CD40LG: variants seen among roughly 807,000 people sequenced by gnomAD.
The protein encoded by CD40LG is CD40 ligand.
In CD40LG, 1 loss-of-function variant was observed where a neutral mutation model predicts 17.2. That is an observed-to-expected ratio of 0.06 (90% CI 0.02 to 0.28). The LOEUF (loss-of-function observed/expected upper bound fraction) is 0.28. CD40LG is among the 10% of genes least tolerant of loss of function. CD40LG has a pLI of 1.00. For missense variants in CD40LG, 133 were observed against 193.2 expected, an observed-to-expected ratio of 0.69 and a Z score of 1.85; for synonymous variants, 66 against 74.4, an observed-to-expected ratio of 0.89 and a Z score of 0.58.
intron 2 of CD40LG, among the ~76,000 whole-genome samples, chrX:136,652,490 G>T (rs1391010856): frequency 9.0e-6 from 1 of 111,326 alleles, no homozygotes; most frequent in Non-Finnish European, 1.9e-5. Context: ...TTTGAATCAG[G>T]TCTTGATGGG....
rs946850192 is a variant in CD40LG, at chrX:136,654,054, T to C, written c.289-319T>C. On this transcript the variant is annotated intron_variant, in intron 2 of 4. Coordinates refer to ENST00000370629, the MANE Select transcript of CD40LG (RefSeq NM_000074.3). ...CCATTCGGCATTATTTGTCAATATC[T>C]GTCAAAGCCAAGGAGGTTGAGGTCA... Among the ~76,000 whole-genome samples, 10 of 112,068 alleles carry C rather than the reference T, an allele frequency of 8.9e-5. No homozygotes were observed. The Admixed American group carries it at 9.5e-4, about 11-fold the overall frequency.
At chrX:136,652,233 C>T (rs1006516923) in intron 2 of CD40LG, among the ~76,000 whole-genome samples, 2 of 110,678 alleles carry the variant, frequency 1.8e-5, no homozygotes, top group Non-Finnish European at 3.8e-5. Flanking sequence ...CCTAGGATTA[C>T]GTACAATGAG....
rs950822004 is a variant in CD40LG at position 136,656,350 on chromosome X, T to A, written c.347-6T>A. The A allele has an allele frequency of 2.6e-5, 31 of 1,205,046 alleles. No homozygotes were observed. The highest frequency in any genetic ancestry group is 3.5e-5 in the Non-Finnish European group (31 of 890,507). On this transcript the variant is annotated splice_region_variant and splice_polypyrimidine_tract_variant and intron_variant, in intron 3 of 4. Coordinates refer to ENST00000370629, the MANE Select transcript of CD40LG (RefSeq NM_000074.3). Reference sequence around the variant, plus strand: ...TTTAGCCTGACAGTTTTTGGTTCCATTTCAGGTGATCAGAATCCTCAAATT... The same window carrying A: ...TTTAGCCTGACAGTTTTTGGTTCCAATTCAGGTGATCAGAATCCTCAAATT...
chrX:136,652,136 C>T (rs1334387697), intron 2 of CD40LG, among the ~76,000 whole-genome samples: 2 of 110,616 alleles, frequency 1.8e-5, no homozygotes, highest in Admixed American at 9.6e-5. Flanking sequence ...TCAGCCAGGG[C>T]CCCAGGGATC....
At chrX:136,649,175 G>C (rs971867132) in intron 1 of CD40LG, among the ~76,000 whole-genome samples, 1 of 112,250 alleles carries the variant, frequency 8.9e-6, no homozygotes, top group Non-Finnish European at 1.9e-5. Flanking sequence ...GGCTGGTGTT[G>C]ACAAAATACC....
At chrX:136,648,522 T>TTATGCCAC in intron 1 of CD40LG, 118 bp downstream of exon 1, 1 of 668,772 alleles carries the variant, frequency 1.5e-6, no homozygotes, top group Non-Finnish European at 2.4e-6. Flanking sequence ...TCTTGTGGCA[T>TTATGCCAC]AATGTTTGTT....
At chrX:136,655,535 T>C (rs764805304) in intron 3 of CD40LG, among the ~76,000 whole-genome samples, 1 of 111,840 alleles carries the variant, frequency 8.9e-6, no homozygotes, top group South Asian at 3.8e-4. Context: ...AAAACATACA[T>C]ACATACAGGG....
At position 136,648,396 on chromosome X, in the gene CD40LG, T is replaced by C. The variant is rs1126535; in HGVS notation, c.148T>C (p.Leu50=). ...ALFAVYLHRR[L]DKIEDERNLH... is the part of the protein sequence containing the mutation. Reference sequence around the variant, plus strand: ...TTTTGCTGTGTATCTTCATAGAAGGTTGGACAAGGTAAGATGAACCACAAG... The same window carrying C: ...TTTTGCTGTGTATCTTCATAGAAGGCTGGACAAGGTAAGATGAACCACAAG... Residue 50 remains leucine (L), a synonymous_variant, in exon 1 of 5, where the codon TTG becomes CTG. Coordinates refer to ENST00000370629, the MANE Select transcript of CD40LG (RefSeq NM_000074.3). 0.2 allele frequency: 237,172 copies of C among 1,207,132 alleles called. 17,805 individuals are homozygous for C. The highest frequency in any genetic ancestry group is 0.47 in the Admixed American group (21,418 of 45,725).
At chrX:136,649,277 T>C (rs2076097607) in intron 1 of CD40LG, among the ~76,000 whole-genome samples, 1 of 112,556 alleles carries the variant, frequency 8.9e-6, no homozygotes, top group African/African-American at 3.2e-5. Flanking sequence ...ATCTGGATGA[T>C]TGCACTTTAT....
Position 136,654,498 on chromosome X carries a change from T to C in CD40LG, c.346+68T>C. 1.6e-5 allele frequency: 13 copies of C among 806,841 alleles called. 1 individual carries two copies. The highest frequency in any genetic ancestry group is 2.5e-5 in the Non-Finnish European group (13 of 528,206). 66.5% of individuals were successfully genotyped at this position (806,841 alleles called of 1,213,427 possible). On this transcript the variant is annotated intron_variant, in intron 3 of 4. Coordinates refer to ENST00000370629, the MANE Select transcript of CD40LG (RefSeq NM_000074.3). ...AAAAGGAAGCTTTAGGCTGATCATA[T>C]TGAACAACCCAGTGTTGTTGCATCA...
chrX:136,651,049 T>C (rs1425573092), intron 2 of CD40LG, among the ~76,000 whole-genome samples: 1 of 111,864 alleles, frequency 8.9e-6, no homozygotes, highest in Non-Finnish European at 1.9e-5. Context: ...TCAAAGCCTT[T>C]TAGCCCACCA....
chrX:136,654,186 G>A (rs2076112477), intron 2 of CD40LG, among the ~76,000 whole-genome samples, 187 bp from the exon 3 acceptor site: 1 of 111,430 alleles, frequency 9.0e-6, no homozygotes, highest in African/African-American at 3.3e-5. Context: ...CTGGGTTGTT[G>A]GCTCATCTGT....
intron 2 of CD40LG, among the ~76,000 whole-genome samples, chrX:136,652,821 A>G (rs2076107927): frequency 9.0e-6 from 1 of 111,623 alleles, no homozygotes; most frequent in Non-Finnish European, 1.9e-5. Flanking sequence ...AAGCATTTCT[A>G]TTTCAAGTTA....
rs1353659905 is a variant in CD40LG, at chrX:136,656,983, G to A, written c.409+565G>A. On this transcript the variant is annotated intron_variant, in intron 4 of 4. Coordinates refer to ENST00000370629, the MANE Select transcript of CD40LG (RefSeq NM_000074.3). ...TCTGAACGATTTTATTTCCATATAC[G>A]TTCTGCCACCATTCTAGCCTTTAGA... is the stretch of plus-strand genomic sequence containing the variant. 6.2e-5 allele frequency among the ~76,000 whole-genome samples: 7 copies of A among 112,259 alleles called. No individual in the cohort carries two copies. In the Admixed American group the frequency reaches 6.6e-4, roughly 11 times the overall value.
Position 136,655,881 on chromosome X carries a change from C to T in CD40LG, c.347-475C>T, listed in dbSNP as rs1481640848. 3.6e-5 allele frequency among the ~76,000 whole-genome samples: 4 copies of T among 112,268 alleles called. No individual in the cohort carries two copies. In the Admixed American group the frequency reaches 3.8e-4, roughly 11 times the overall value. The stretch of plus-strand genomic sequence containing the variant: ...AAGAAACTTCCACACAGTCTCTGCC[C>T]TTAGAAGATTGACACATCTCATTAG... On this transcript the variant is annotated intron_variant, in intron 3 of 4. Coordinates refer to ENST00000370629, the MANE Select transcript of CD40LG (RefSeq NM_000074.3).
In CD40LG at chrX:136,659,342, T is replaced by C; in HGVS notation, c.713T>C (p.Phe238Ser). Residue 238 changes from phenylalanine (F) to serine (S), a missense_variant, in exon 5 of 5, where the codon TTT (phenylalanine) becomes TCT (serine). Coordinates refer to ENST00000370629, the MANE Select transcript of CD40LG (RefSeq NM_000074.3). Reference sequence around the variant, plus strand: ...GAATTGCAACCAGGTGCTTCGGTGTTTGTCAATGTGACTGATCCAAGCCAA... The same window carrying C: ...GAATTGCAACCAGGTGCTTCGGTGTCTGTCAATGTGACTGATCCAAGCCAA... Reference protein sequence around the residue: ...VFELQPGASVFVNVTDPSQVS... With the variant: ...VFELQPGASVSVNVTDPSQVS... 5 of 1,211,157 alleles carry C rather than the reference T, an allele frequency of 4.1e-6. No homozygotes were observed. The highest frequency in any genetic ancestry group is 5.6e-6 in the Non-Finnish European group (5 of 895,028).
At chrX:136,648,751 A>G (rs1408160312) in intron 1 of CD40LG, among the ~76,000 whole-genome samples, 1 of 112,305 alleles carries the variant, frequency 8.9e-6, no homozygotes, top group African/African-American at 3.2e-5. Flanking sequence ...GGTCTGATAC[A>G]TAGTAAGCAC....
intron 4 of CD40LG, among the ~76,000 whole-genome samples, chrX:136,658,031 G>T (rs2076123793): frequency 8.9e-6 from 1 of 111,760 alleles, no homozygotes; most frequent in South Asian, 3.8e-4. Context: ...GGTTCAAAAG[G>T]GCAAACATTC....
intron 2 of CD40LG, among the ~76,000 whole-genome samples, chrX:136,653,750 A>G (rs939643460): frequency 1.8e-5 from 2 of 112,566 alleles, no homozygotes; most frequent in Non-Finnish European, 3.7e-5. Context: ...GCCTTTGAAC[A>G]TCAACACCAT....
Sources: gnomAD v4.1 joint callset for allele counts (sites outside exome capture counted in the v4.1 genomes callset) on GRCh38, gnomAD v4.1.1 for gene constraint, MANE v1.5 for transcripts, NCBI Gene and HGNC (gene_info 2026-07-23, HGNC 2026-07-21) for gene names.